KIF9: variants seen among roughly 807,000 people sequenced by gnomAD.
KIF9 encodes kinesin family member 9, also known as kinesin-like protein KIF9.
Under a neutral mutation model 94.8 loss-of-function variants are expected in KIF9, and 68 were observed. The ratio of observed to expected loss-of-function variants is 0.72; its 90% CI spans 0.59 to 0.88. The LOEUF (loss-of-function observed/expected upper bound fraction) is 0.88, where lower values mean the gene tolerates loss of function less well. KIF9 is among the 40% of genes least tolerant of loss of function. The pLI, the probability that KIF9 is intolerant of heterozygous loss-of-function variation, is 0.00. For missense variants in KIF9, 882 were observed against 982.5 expected (o/e 0.90, Z 1.37); for synonymous variants, 343 against 362.1 (o/e 0.95, Z 0.60).
At chr3:47,232,595 G>A (rs998036486) in intron 20 of KIF9, among the ~76,000 whole-genome samples, 2 of 151,904 alleles carry the variant, frequency 1.3e-5, no homozygotes, top group Admixed American at 1.3e-4. Flanking sequence ...CATTTCTACT[G>A]TTTATAAATT....
chr3:47,235,815 T>C (rs1387736925), intron 19 of KIF9, among the ~76,000 whole-genome samples, 198 bp from the exon 20 acceptor site: 5 of 152,232 alleles, frequency 3.3e-5, no homozygotes, highest in Admixed American at 3.3e-4. Flanking sequence ...CTGAGCAGGA[T>C]GAACTGCTTT....
chr3:47,248,170 T>C (rs760022122), intron 10 of KIF9, 84 bp from the exon 11 acceptor site: 17 of 985,422 alleles, frequency 1.7e-5, no homozygotes, highest in Non-Finnish European at 2.4e-5. Flanking sequence ...AAAAGTACAA[T>C]TCCTCATTCT....
At chr3:47,262,383 T>A (rs1411137386) in intron 9 of KIF9, among the ~76,000 whole-genome samples, 1 of 151,766 alleles carries the variant, frequency 6.6e-6, no homozygotes, top group African/African-American at 2.4e-5. Context: ...GGTTCTCCTG[T>A]CTCAGCCTCC....
intron 18 of KIF9, 58 bp downstream of exon 18, chr3:47,236,385 G>T: frequency 1.3e-6 from 2 of 1,571,282 alleles, no homozygotes; most frequent in Non-Finnish European, 1.7e-6. Flanking sequence ...TCAGGCTGTG[G>T]CCTCTCCCTG....
Position 47,244,666 on chromosome 3 carries a change from G to A in KIF9, c.1514+125C>T, listed in dbSNP as rs561292023. Reference sequence around the variant, plus strand: ...CACAGACTTGCTAGTATTGGCAGCAGTGACGTCCATTGTGCCAACCCAGTA... The same window carrying A: ...CACAGACTTGCTAGTATTGGCAGCAATGACGTCCATTGTGCCAACCCAGTA... On this transcript the variant is annotated intron_variant, in intron 15 of 20. Coordinates refer to ENST00000684063, the MANE Select transcript of KIF9 (RefSeq NM_182902.4). 11 of 1,201,542 alleles carry A rather than the reference G, an allele frequency of 9.2e-6. No homozygotes were observed. The African/African-American group carries it at 1.5e-4, about 16-fold the overall frequency. The allele number at this position is 1,201,542 out of a possible 1,614,324, so 74.4% of individuals were successfully genotyped here.
At chr3:47,276,417 A>C (rs1426559198) in intron 2 of KIF9, among the ~76,000 whole-genome samples, 4 of 152,052 alleles carry the variant, frequency 2.6e-5, no homozygotes, top group Non-Finnish European at 5.9e-5. Context: ...TTAGCCAGGC[A>C]TGGTGGCACG....
intron 8 of KIF9, 55 bp downstream of exon 8, chr3:47,265,675 G>T: frequency 4.4e-6 from 7 of 1,588,396 alleles, no homozygotes; most frequent in Non-Finnish European, 6.0e-6. Context: ...TGCCAAACCT[G>T]TCCCTCCCCA....
At chr3:47,277,233 G>T in intron 2 of KIF9, 49 bp downstream of exon 2, 1 of 1,347,854 alleles carries the variant, frequency 7.4e-7, no homozygotes, top group Non-Finnish European at 1.1e-6. Flanking sequence ...ACTATAGCAA[G>T]GTGGGACAGA....
Position 47,243,226 on chromosome 3 carries a change from C to T in KIF9, c.1534G>A (p.Gly512Ser), listed in dbSNP as rs1342087226. 2 of 1,609,980 alleles carry T rather than the reference C, an allele frequency of 1.2e-6. No homozygotes were observed. Among genetic ancestry groups the T allele is most frequent in the Non-Finnish European group, 1.7e-6 (2 of 1,177,178 alleles). The change falls in exon 16 of 21, where the codon GGT becomes AGT. Residue 512 changes from glycine to serine, a missense_variant. By Grantham distance (56) the Gly-to-Ser change is moderately conservative. Transcript: ENST00000684063. ...EPLSSLARKE[G>S]ASSPVNGKDL... ...TTCCCATTCACAGGGCTGCTGGCAC[C>T]TTCCTTTCTTGCCAAGGAGCTGGAA...
intron 3 of KIF9, 83 bp downstream of exon 3, chr3:47,275,241 GC>G: frequency 9.7e-7 from 1 of 1,035,130 alleles, no homozygotes; most frequent in Non-Finnish European, 1.4e-6. Context: ...TAGTGAGTGA[GC>G]TTTTATTTTA....
chr3:47,236,899 CTTATT>C (rs1360778129), intron 17 of KIF9, among the ~76,000 whole-genome samples: 1 of 152,208 alleles, frequency 6.6e-6, no homozygotes, highest in African/African-American at 2.4e-5. Flanking sequence ...ATGCTCCATG[CTTATT>C]TTATTTAAAA....
At chr3:47,252,797 G>A (rs1433441187) in intron 10 of KIF9, among the ~76,000 whole-genome samples, 2 of 151,950 alleles carry the variant, frequency 1.3e-5, no homozygotes, top group Non-Finnish European at 1.5e-5. Context: ...GGAGGCTCAC[G>A]AGGTCAGGAG....
intron 10 of KIF9, among the ~76,000 whole-genome samples, chr3:47,249,643 C>T (rs987390583): frequency 3.9e-5 from 6 of 152,212 alleles, no homozygotes; most frequent in Non-Finnish European, 8.8e-5. Context: ...TCTGCCTCTG[C>T]ATTGCTTGTC....
chr3:47,241,176 T>G (rs1454778338), intron 16 of KIF9, among the ~76,000 whole-genome samples, 161 bp from the exon 17 acceptor site: 1 of 152,146 alleles, frequency 6.6e-6, no homozygotes, highest in Non-Finnish European at 1.5e-5. Context: ...AATCATTCCC[T>G]CCTCTTTGTT....
At chr3:47,244,504 C>T (rs1000397071) in intron 15 of KIF9, 10 of 356,586 alleles carry the variant, frequency 2.8e-5, no homozygotes, top group Admixed American at 7.9e-5. Flanking sequence ...GTGGTATGGC[C>T]TTGGTGAGTG....
chr3:47,271,170 A>G, intron 5 of KIF9, 67 bp downstream of exon 5: 1 of 967,996 alleles, frequency 1.0e-6, no homozygotes, highest in Non-Finnish European at 1.6e-6. Flanking sequence ...AAAGAAAAAG[A>G]AAAGCTGAGA....
chr3:47,277,429 AG>A, intron 1 of KIF9, 50 bp from the exon 2 acceptor site: 1 of 1,179,040 alleles, frequency 8.5e-7, no homozygotes, highest in Non-Finnish European at 1.3e-6. Flanking sequence ...TCAAATAACA[AG>A]TAGAGGAGAG....
chr3:47,272,692 T>C (rs913098789), intron 4 of KIF9, among the ~76,000 whole-genome samples: 3 of 152,196 alleles, frequency 2.0e-5, no homozygotes, highest in African/African-American at 7.2e-5. Flanking sequence ...TTCATCTGTT[T>C]ATTTTTACTT....
At chr3:47,275,511 A>T in intron 2 of KIF9, 21 bp from the exon 3 acceptor site, 3 of 1,581,236 alleles carry the variant, frequency 1.9e-6, no homozygotes, top group Non-Finnish European at 2.6e-6. Flanking sequence ...AGAGTGAGAA[A>T]GAAAAAAATG....
Sources: allele counts gnomAD v4.1 joint callset (sites outside exome capture counted in the v4.1 genomes callset), GRCh38; gene constraint gnomAD v4.1.1; transcripts MANE v1.5; gene names NCBI Gene and HGNC (gene_info 2026-07-23, HGNC 2026-07-21).